The following CCDC141 variants were observed in gnomAD, a reference collection of about 807,000 sequenced individuals.
CCDC141 encodes the protein coiled-coil domain containing 141.
CCDC141 carries 168 observed loss-of-function variants against 181.0 expected under a neutral mutation model. The ratio of observed to expected loss-of-function variants is 0.93; its 90% confidence interval spans 0.82 to 1.05. The LOEUF is 1.05. Ranked by LOEUF, CCDC141 falls within the 50% of genes least tolerant of loss-of-function variation. CCDC141 has a pLI of 0.00. For synonymous variants in CCDC141, 666 were observed against 642.3 expected (o/e 1.04, Z -0.56); for missense variants, 1,902 against 1,788.5 (o/e 1.06, Z -1.14).
At chr2:179,037,153 C>G (rs1206305443) in intron 2 of CCDC141, among the ~76,000 whole-genome samples, 1 of 152,180 alleles carries the variant, frequency 6.6e-6, no homozygotes, top group Non-Finnish European at 1.5e-5. Context: ...GAACCTGCAA[C>G]CCATAGTTCA....
intron 11 of CCDC141, among the ~76,000 whole-genome samples, chr2:178,880,082 A>G (rs1686526979): frequency 6.6e-6 from 1 of 152,196 alleles, no homozygotes; most frequent in Admixed American, 6.5e-5. Flanking sequence ...CTTCAATAAG[A>G]TCATCCATTA....
chr2:178,989,745 A>G (rs1691952576), intron 2 of CCDC141, among the ~76,000 whole-genome samples: 1 of 150,102 alleles, frequency 6.7e-6, no homozygotes, highest in Non-Finnish European at 1.5e-5. Flanking sequence ...GCACACAAAG[A>G]TGCTCAAATG....
intron 17 of CCDC141, among the ~76,000 whole-genome samples, chr2:178,859,355 GGT>G (rs1331942223): frequency 6.6e-6 from 1 of 152,078 alleles, no homozygotes; most frequent in Non-Finnish European, 1.5e-5. Context: ...CATAACTTGT[GGT>G]CATATTTTTA....
intron 21 of CCDC141, among the ~76,000 whole-genome samples, chr2:178,849,245 ATC>A (rs940110588): frequency 6.6e-6 from 1 of 152,234 alleles, no homozygotes; most frequent in African/African-American, 2.4e-5. Context: ...AATCTTGAGT[ATC>A]TTCACAGTCA....
chr2:179,026,883 C>T (rs1279504681), intron 2 of CCDC141, among the ~76,000 whole-genome samples: 3 of 152,346 alleles, frequency 2.0e-5, no homozygotes, highest in African/African-American at 7.2e-5. Flanking sequence ...TTTGACTGCC[C>T]TGCTGGATTT....
intron 2 of CCDC141, 111 bp downstream of exon 2, chr2:179,047,173 T>A: frequency 1.2e-6 from 1 of 828,206 alleles, no homozygotes; most frequent in Non-Finnish European, 1.7e-6. Flanking sequence ...ATCTACCTGG[T>A]ACCATATTAA....
intron 9 of CCDC141, among the ~76,000 whole-genome samples, chr2:178,887,847 T>C (rs1273838270): frequency 6.6e-6 from 1 of 152,224 alleles, no homozygotes; most frequent in Non-Finnish European, 1.5e-5. Flanking sequence ...TGCAGCAAGA[T>C]TCATTAGCAT....
chr2:178,973,110 T>TA (rs200887673), intron 4 of CCDC141, among the ~76,000 whole-genome samples: 1 of 152,162 alleles, frequency 6.6e-6, no homozygotes, highest in African/African-American at 2.4e-5. Context: ...AGCACTCAAC[T>TA]AAAAAATCAG....
intron 6 of CCDC141, among the ~76,000 whole-genome samples, chr2:178,930,494 G>T (rs887622729): frequency 3.9e-5 from 6 of 151,966 alleles, no homozygotes; most frequent in African/African-American, 1.4e-4. Flanking sequence ...ACCCTGAATA[G>T]CCAAAACAAT....
chr2:178,883,499 G>C (rs1045977527), intron 11 of CCDC141, among the ~76,000 whole-genome samples: 1 of 152,274 alleles, frequency 6.6e-6, no homozygotes, highest in African/African-American at 2.4e-5. Flanking sequence ...ATGTAGAAAA[G>C]GATGCAGTGG....
At chr2:179,043,284 A>G (rs1002819345) in intron 2 of CCDC141, among the ~76,000 whole-genome samples, 3 of 152,200 alleles carry the variant, frequency 2.0e-5, no homozygotes, top group Non-Finnish European at 2.9e-5. Context: ...GTTGACTTCT[A>G]TCAGAGGTAT....
intron 4 of CCDC141, among the ~76,000 whole-genome samples, chr2:178,969,139 C>T (rs1478226541): frequency 1.4e-5 from 2 of 140,342 alleles, no homozygotes; most frequent in East Asian, 4.1e-4. Flanking sequence ...AAGCCCAGGA[C>T]CAGACGGATT....
chr2:178,990,197 G>T lies in CCDC141; in HGVS notation c.226-11522C>A, dbSNP rs184878054. Among the ~76,000 whole-genome samples, 326 of 150,310 alleles carry T rather than the reference G, an allele frequency of 2.2e-3. 2 individuals carry two copies. The highest frequency in any genetic ancestry group is 7.7e-3 in the African/African-American group (316 of 41,042). On this transcript the variant is annotated intron_variant, in intron 2 of 23. Transcript: ENST00000443758. ...AAATAACAATTGTTGGCAAGAACAT[G>T]GAGAAAATTGGAATCCATGTACATA...
intron 3 of CCDC141, among the ~76,000 whole-genome samples, chr2:178,976,483 CAT>C (rs1691129641): frequency 6.6e-6 from 1 of 152,126 alleles, no homozygotes; most frequent in African/African-American, 2.4e-5. Context: ...GAGCATGGGA[CAT>C]GTTTTGGAAA....
At chr2:178,952,022 T>C (rs1282343269) in intron 5 of CCDC141, among the ~76,000 whole-genome samples, 1 of 152,136 alleles carries the variant, frequency 6.6e-6, no homozygotes, top group Non-Finnish European at 1.5e-5. Context: ...CTATAATAAG[T>C]ATAAGTGATC....
At chr2:178,845,953 T>C (rs574602482) in intron 21 of CCDC141, among the ~76,000 whole-genome samples, 42 of 152,304 alleles carry the variant, frequency 2.8e-4, no homozygotes, top group Middle Eastern at 6.8e-3. Context: ...TAGAGTTCAT[T>C]GCCAGTAAAA....
chr2:179,044,477 G>A lies in CCDC141; in HGVS notation c.225+2807C>T, dbSNP rs149071011. 3.9e-3 allele frequency among the ~76,000 whole-genome samples: 594 copies of A among 152,248 alleles called. 1 individual carries two copies. The highest frequency in any genetic ancestry group is 6.7e-3 in the Admixed American group (102 of 15,286). On this transcript the variant is annotated intron_variant, in intron 2 of 23. Coordinates refer to ENST00000443758, the MANE Select transcript of CCDC141 (RefSeq NM_173648.4). ...GTATGCAAATTTGAGCACAGGGTAG[G>A]AGGCAGGAGCTGAATTGCTGCACCT...
rs1028112478 is a variant in CCDC141, at chr2:178,859,096, G to T, written c.2725-2699C>A. On this transcript the variant is annotated intron_variant, in intron 17 of 23. Coordinates refer to ENST00000443758, the MANE Select transcript of CCDC141 (RefSeq NM_173648.4). Reference sequence around the variant, plus strand: ...CATGACACTATGAGTATGTGAAATGGGATCAAGTTCTTTCTGACACATGAG... The same window carrying T: ...CATGACACTATGAGTATGTGAAATGTGATCAAGTTCTTTCTGACACATGAG... Among the ~76,000 whole-genome samples, 5 of 152,142 alleles carry T rather than the reference G, an allele frequency of 3.3e-5. No individual in the cohort carries two copies. The South Asian group carries it at 6.2e-4, about 19-fold the overall frequency.
At chr2:178,979,821 T>A (rs962539209) in intron 2 of CCDC141, among the ~76,000 whole-genome samples, 2 of 152,180 alleles carry the variant, frequency 1.3e-5, no homozygotes, top group African/African-American at 4.8e-5. Context: ...TAACCAGTCT[T>A]ACATCAAACA....
Sources: allele counts gnomAD v4.1 joint callset (sites outside exome capture counted in the v4.1 genomes callset), GRCh38; gene constraint gnomAD v4.1.1; transcripts MANE v1.5; gene names NCBI Gene and HGNC (gene_info 2026-07-23, HGNC 2026-07-21).